Variants in KIF16B observed in about 807,000 individuals in gnomAD.
KIF16B encodes kinesin family member 16B.
KIF16B carries 98 observed loss-of-function variants against 156.3 expected under a neutral mutation model. The ratio of observed to expected loss-of-function variants is 0.63; its 90% CI spans 0.53 to 0.74. The LOEUF is 0.74. Ranked by LOEUF, KIF16B falls within the 30% of genes least tolerant of loss-of-function variation. KIF16B has a pLI of 0.00. For synonymous variants in KIF16B, 564 were observed against 583.7 expected (o/e 0.97, Z 0.49); for missense variants, 1,421 against 1,606.5 (o/e 0.88, Z 1.97).
chr20:16,471,764 C>T (rs997592170), intron 12 of KIF16B, among the ~76,000 whole-genome samples: 12 of 152,212 alleles, frequency 7.9e-5, no homozygotes, highest in South Asian at 6.2e-4. Context: ...GATTACTACA[C>T]GTACTGAATT....
At chr20:16,531,243 ATCTG>A (rs201310214) in intron 1 of KIF16B, among the ~76,000 whole-genome samples, 1,622 of 152,318 alleles carry the variant, frequency 0.011, 38 homozygotes, top group African/African-American at 0.037. Context: ...AGATCAAAGG[ATCTG>A]TCTCATTATT....
chr20:16,477,451 A>C (rs2067852793), intron 12 of KIF16B, among the ~76,000 whole-genome samples: 1 of 152,198 alleles, frequency 6.6e-6, no homozygotes, highest in African/African-American at 2.4e-5. Flanking sequence ...GACCTCTTTA[A>C]GATGTTTAGA....
intron 7 of KIF16B, among the ~76,000 whole-genome samples, chr20:16,506,588 G>A (rs1369545915): frequency 2.0e-5 from 3 of 151,998 alleles, no homozygotes; most frequent in Non-Finnish European, 2.9e-5. Context: ...AGACAAGTAC[G>A]GAAAAGAGCA....
chr20:16,274,128 C>G (rs1431101978), intron 25 of KIF16B, among the ~76,000 whole-genome samples: 1 of 150,220 alleles, frequency 6.7e-6, no homozygotes, highest in African/African-American at 2.5e-5. Flanking sequence ...GTTAAATGTG[C>G]TGCTTACTGG....
intron 3 of KIF16B, 26 bp from the exon 4 acceptor site, chr20:16,515,690 A>G: frequency 8.1e-7 from 1 of 1,240,460 alleles, no homozygotes; most frequent in Non-Finnish European, 1.2e-6. Flanking sequence ...AACACACAAA[A>G]GATACAATTA....
At chr20:16,422,029 T>G (rs1418728490) in intron 15 of KIF16B, among the ~76,000 whole-genome samples, 1 of 152,160 alleles carries the variant, frequency 6.6e-6, no homozygotes, top group Non-Finnish European at 1.5e-5. Context: ...CCTGAATCAT[T>G]AACCAGAATA....
At chr20:16,531,542 C>T (rs139873928) in intron 1 of KIF16B, among the ~76,000 whole-genome samples, 86 of 152,306 alleles carry the variant, frequency 5.6e-4, no homozygotes, top group African/African-American at 2.0e-3. Flanking sequence ...CTGTCCTTCC[C>T]TCCCAGGGAT....
At chr20:16,461,208 AATATAAAT>A (rs1180059369) in intron 12 of KIF16B, among the ~76,000 whole-genome samples, 1 of 151,984 alleles carries the variant, frequency 6.6e-6, no homozygotes, top group East Asian at 1.9e-4. Flanking sequence ...AAGAAAGAAA[AATATAAAT>A]ATATAAAATG....
intron 17 of KIF16B, 39 bp from the exon 18 acceptor site, chr20:16,381,786 A>C (rs2065103293): frequency 2.0e-6 from 3 of 1,526,434 alleles, no homozygotes; most frequent in Non-Finnish European, 2.7e-6. Flanking sequence ...TTTTCTAAAG[A>C]GCTTTTCTAT....
At chr20:16,359,448 G>A (rs2064508009) in intron 22 of KIF16B, among the ~76,000 whole-genome samples, 1 of 152,092 alleles carries the variant, frequency 6.6e-6, no homozygotes, top group Admixed American at 6.5e-5. Context: ...AGAATAAGAA[G>A]CCAGTGCTAT....
At chr20:16,544,996 T>C (rs1437161636) in intron 1 of KIF16B, among the ~76,000 whole-genome samples, 1 of 152,204 alleles carries the variant, frequency 6.6e-6, no homozygotes, top group Non-Finnish European at 1.5e-5. Context: ...TAAATGCAGA[T>C]AGATTTTCCC....
intron 2 of KIF16B, among the ~76,000 whole-genome samples, chr20:16,527,722 G>A (rs1186387758): frequency 6.6e-6 from 1 of 152,072 alleles, no homozygotes; most frequent in African/African-American, 2.4e-5. Context: ...GACCACAGGT[G>A]TGCACCACCA....
chr20:16,295,878 G>C (rs1177604513), intron 25 of KIF16B, among the ~76,000 whole-genome samples: 1 of 152,144 alleles, frequency 6.6e-6, no homozygotes, highest in African/African-American at 2.4e-5. Flanking sequence ...AAATGGTCAC[G>C]AATTTCAAAA....
chr20:16,391,654 G>C (rs927292143), intron 17 of KIF16B, among the ~76,000 whole-genome samples: 1 of 152,208 alleles, frequency 6.6e-6, no homozygotes, highest in Non-Finnish European at 1.5e-5. Flanking sequence ...GCCAGGAGGG[G>C]ATGTGTGCAG....
chr20:16,396,207 C>A (rs919062903), intron 17 of KIF16B, among the ~76,000 whole-genome samples: 4 of 152,098 alleles, frequency 2.6e-5, no homozygotes, highest in Admixed American at 2.0e-4. Flanking sequence ...ACTCCACACA[C>A]AAGGGATCTA....
chr20:16,472,330 T>C (rs1354736177), intron 12 of KIF16B, among the ~76,000 whole-genome samples: 2 of 152,114 alleles, frequency 1.3e-5, no homozygotes, highest in African/African-American at 4.8e-5. Flanking sequence ...AGATTATCTC[T>C]TTACATAGAT....
At chr20:16,376,995 G>C (rs1172965278) in intron 19 of KIF16B, among the ~76,000 whole-genome samples, 2 of 152,206 alleles carry the variant, frequency 1.3e-5, no homozygotes, top group African/African-American at 4.8e-5. Context: ...ACCAGACAGC[G>C]ATGGTAAATG....
At chr20:16,324,970 A>T (rs1013916504) in intron 24 of KIF16B, among the ~76,000 whole-genome samples, 3 of 152,158 alleles carry the variant, frequency 2.0e-5, no homozygotes, top group African/African-American at 7.2e-5. Context: ...AGTGGGTTTC[A>T]TACCAGGGAT....
intron 14 of KIF16B, among the ~76,000 whole-genome samples, chr20:16,428,348 T>C (rs978464100): frequency 3.3e-5 from 5 of 152,160 alleles, no homozygotes; most frequent in African/African-American, 1.2e-4. Context: ...CCAATCCCTA[T>C]CTTGCCACAC....
Sources: gnomAD v4.1 joint callset for allele counts (sites outside exome capture counted in the v4.1 genomes callset) on GRCh38, gnomAD v4.1.1 for gene constraint, MANE v1.5 for transcripts, NCBI Gene and HGNC (gene_info 2026-07-23, HGNC 2026-07-21) for gene names.